Variants in TCERG1L observed in about 807,000 individuals in gnomAD.
TCERG1L encodes the protein transcription elongation regulator 1 like.
TCERG1L carries 37 observed loss-of-function variants against 56.3 expected under a neutral mutation model. That is an observed-to-expected ratio of 0.66 (90% confidence interval 0.51 to 0.87). The LOEUF (loss-of-function observed/expected upper bound fraction) is 0.87. TCERG1L is among the 40% of genes least tolerant of loss of function. The probability of loss-of-function intolerance (pLI) is 0.00; values close to 1 mark genes in which losing one functional copy is unlikely to be tolerated. For missense variants in TCERG1L, 799 were observed against 774.2 expected (o/e 1.03, Z -0.38); for synonymous variants, 324 against 326.3 (o/e 0.99, Z 0.08).
intron 4 of TCERG1L, among the ~76,000 whole-genome samples, chr10:131,209,060 A>AAC (rs1845585589): frequency 1.3e-5 from 2 of 151,204 alleles, no homozygotes; most frequent in African/African-American, 4.8e-5. Context: ...TCTGTCTCAA[A>AAC]AAAAAAAAAA....
intron 10 of TCERG1L, among the ~76,000 whole-genome samples, chr10:131,102,430 C>T (rs1388680383): frequency 6.6e-6 from 1 of 152,272 alleles, no homozygotes; most frequent in East Asian, 1.9e-4. Context: ...GTGACTGAGA[C>T]TCTGTGGGTT....
intron 3 of TCERG1L, among the ~76,000 whole-genome samples, chr10:131,291,408 T>A (rs1343449759): frequency 2.2e-5 from 1 of 44,898 alleles, no homozygotes; most frequent in Non-Finnish European, 3.9e-5. Flanking sequence ...TTTCTTTTTT[T>A]TTTTTTTTTT....
intron 4 of TCERG1L, among the ~76,000 whole-genome samples, chr10:131,256,000 T>C (rs1054607829): frequency 6.6e-6 from 1 of 152,236 alleles, no homozygotes; most frequent in Non-Finnish European, 1.5e-5. Flanking sequence ...TAGAGGTAAC[T>C]CAATCCTCCA....
At chr10:131,138,054 A>C (rs1845694843) in intron 7 of TCERG1L, among the ~76,000 whole-genome samples, 1 of 152,204 alleles carries the variant, frequency 6.6e-6, no homozygotes. Context: ...AGATCACCTG[A>C]GGTCAGGAGT....
At chr10:131,128,862 G>A (rs557386331) in intron 8 of TCERG1L, among the ~76,000 whole-genome samples, 152 of 152,252 alleles carry the variant, frequency 1.0e-3, no homozygotes, top group Middle Eastern at 3.4e-3. Context: ...GGAACTCAAA[G>A]CCACCATTAG....
intron 4 of TCERG1L, among the ~76,000 whole-genome samples, chr10:131,197,526 G>A (rs115655045): frequency 6.6e-6 from 1 of 152,046 alleles, no homozygotes; most frequent in African/African-American, 2.4e-5. Flanking sequence ...TTCACAAAGT[G>A]TACAAAGGTA....
At chr10:131,202,748 A>AT (rs1845455836) in intron 4 of TCERG1L, among the ~76,000 whole-genome samples, 1 of 152,184 alleles carries the variant, frequency 6.6e-6, no homozygotes, top group African/African-American at 2.4e-5. Context: ...AAATATTCTG[A>AT]TTATCTGATT....
At position 131,101,900 on chromosome 10, in the gene TCERG1L, C is replaced by T. The variant is rs1248584820; in HGVS notation, c.1485+2365G>A. Among the ~76,000 whole-genome samples, 3 of 149,874 alleles carry T rather than the reference C, an allele frequency of 2.0e-5. No homozygotes were observed. In the East Asian group the frequency reaches 6.1e-4, roughly 30 times the overall value. The stretch of plus-strand genomic sequence containing the variant: ...CATTTTTAGTAAAGACAGGGTTTTG[C>T]CATGTTGTCCAGGCTGGTCTGGAAC... On this transcript the variant is annotated intron_variant, in intron 10 of 11. Transcript: ENST00000368642.
chr10:131,285,526 G>GAAA (rs1564833952), intron 3 of TCERG1L, among the ~76,000 whole-genome samples: 38 of 22,540 alleles, frequency 1.7e-3, no homozygotes, highest in Non-Finnish European at 2.9e-3. Flanking sequence ...GAAAGAAAGA[G>GAAA]AGAAAGAAAA....
At chr10:131,295,069 T>C (rs1190957181) in intron 3 of TCERG1L, among the ~76,000 whole-genome samples, 1 of 151,888 alleles carries the variant, frequency 6.6e-6, no homozygotes, top group African/African-American at 2.4e-5. Context: ...GTCACAAAAG[T>C]GGAATAATAT....
rs550745870 is a variant in TCERG1L at position 131,304,120 on chromosome 10, T to C, written c.670+4091A>G. Among the ~76,000 whole-genome samples, 8 of 152,114 alleles carry C rather than the reference T, an allele frequency of 5.3e-5. No individual in the cohort carries two copies. The East Asian group carries it at 1.5e-3, about 29-fold the overall frequency. ...TTTGTTTTGCCCATCATGGTGTCTA[T>C]TGGTAGAATCAGGCTCTTTGATCTT... On this transcript the variant is annotated intron_variant, in intron 3 of 11. Coordinates refer to ENST00000368642, the MANE Select transcript of TCERG1L (RefSeq NM_174937.4).
intron 8 of TCERG1L, among the ~76,000 whole-genome samples, chr10:131,124,536 C>CA (rs1378452347): frequency 2.0e-5 from 3 of 152,178 alleles, no homozygotes; most frequent in African/African-American, 7.2e-5. Context: ...ATTTATAAAA[C>CA]AAGGTGACTT....
At chr10:131,244,003 C>T (rs1846001095) in intron 4 of TCERG1L, among the ~76,000 whole-genome samples, 1 of 152,236 alleles carries the variant, frequency 6.6e-6, no homozygotes, top group Non-Finnish European at 1.5e-5. Context: ...TTCGGCTGTG[C>T]AGCAACAGAC....
intron 4 of TCERG1L, among the ~76,000 whole-genome samples, chr10:131,239,510 T>TTGGTAAAG (rs1166196467): frequency 1.3e-5 from 2 of 152,180 alleles, no homozygotes; most frequent in Non-Finnish European, 1.5e-5. Context: ...GAAAACAAGT[T>TTGGTAAAG]TGGTAAAAAT....
intron 6 of TCERG1L, among the ~76,000 whole-genome samples, chr10:131,159,683 C>G (rs997260332): frequency 8.1e-6 from 1 of 122,726 alleles, no homozygotes; most frequent in Non-Finnish European, 1.6e-5. Flanking sequence ...CATAGAGCCA[C>G]CCCCCAACCC....
intron 3 of TCERG1L, among the ~76,000 whole-genome samples, chr10:131,305,852 T>G (rs1846813969): frequency 6.6e-6 from 1 of 151,922 alleles, no homozygotes; most frequent in Non-Finnish European, 1.5e-5. Context: ...ATATAATAGA[T>G]TTATACATTA....
In TCERG1L at chr10:131,244,631, G is replaced by A. The variant is rs544362274; in HGVS notation, c.856+15628C>T. 3.7e-4 allele frequency among the ~76,000 whole-genome samples: 56 copies of A among 152,254 alleles called. No individual in the cohort carries two copies. In the South Asian group the frequency reaches 7.5e-3, roughly 20 times the overall value. ...CCCTTCCAGCCATGGCCAGGACTTC[G>A]GTCTCAGTAACGCCCAGGGTGCCGT... On this transcript the variant is annotated intron_variant, in intron 4 of 11. Coordinates refer to ENST00000368642, the MANE Select transcript of TCERG1L (RefSeq NM_174937.4).
chr10:131,251,013 T>A (rs1429188775), intron 4 of TCERG1L, among the ~76,000 whole-genome samples: 3 of 151,578 alleles, frequency 2.0e-5, no homozygotes, highest in Non-Finnish European at 4.4e-5. Context: ...CCTGGGAGAG[T>A]TGGGGCCCAG....
At chr10:131,209,984 G>A (rs1311381477) in intron 4 of TCERG1L, among the ~76,000 whole-genome samples, 4 of 152,112 alleles carry the variant, frequency 2.6e-5, no homozygotes, top group East Asian at 3.8e-4. Context: ...TGATGCCGTC[G>A]TAATTTCGCT....
Sources: allele counts gnomAD v4.1 joint callset (sites outside exome capture counted in the v4.1 genomes callset), GRCh38; gene constraint gnomAD v4.1.1; transcripts MANE v1.5; gene names NCBI Gene and HGNC (gene_info 2026-07-23, HGNC 2026-07-21).